RHOH: variants seen among roughly 807,000 people sequenced by gnomAD.
RHOH encodes the protein rho-related GTP-binding protein RhoH.
In RHOH, 6 loss-of-function variants were observed where a neutral mutation model predicts 13.8. The ratio of observed to expected loss-of-function variants is 0.44; its 90% CI spans 0.24 to 0.86. The LOEUF is 0.86. Among genes scored for constraint, RHOH ranks in the 40% least tolerant of loss-of-function variants. The pLI is 0.24. For missense variants in RHOH, 147 were observed against 244.5 expected (o/e 0.60, Z 2.66); for synonymous variants, 117 against 103.0 (o/e 1.14, Z -0.82).
chr4:40,226,822 A>T (rs1447378963), intron 1 of RHOH, among the ~76,000 whole-genome samples: 5 of 152,324 alleles, frequency 3.3e-5, no homozygotes, highest in Non-Finnish European at 7.3e-5. Context: ...AAGGAAGTGG[A>T]TGAGAAAGGG....
intron 1 of RHOH, 81 bp downstream of exon 1, chr4:40,197,381 C>T (rs1315715087): frequency 6.6e-6 from 1 of 150,620 alleles, no homozygotes; most frequent in Admixed American, 6.6e-5. Flanking sequence ...TACTCTAGGC[C>T]AAACATCGTA....
chr4:40,206,220 C>T (rs1347260012), intron 1 of RHOH, among the ~76,000 whole-genome samples: 1 of 152,192 alleles, frequency 6.6e-6, no homozygotes, highest in African/African-American at 2.4e-5. Flanking sequence ...GGCAGGACCC[C>T]TACTTTTAAT....
intron 1 of RHOH, among the ~76,000 whole-genome samples, chr4:40,216,203 T>C (rs1725865002): frequency 6.7e-6 from 1 of 150,276 alleles, no homozygotes; most frequent in Non-Finnish European, 1.5e-5. Flanking sequence ...GCACAGGGGC[T>C]CATGCTTGTA....
intron 1 of RHOH, among the ~76,000 whole-genome samples, chr4:40,208,038 C>T (rs1027346074): frequency 1.3e-5 from 2 of 151,924 alleles, no homozygotes; most frequent in African/African-American, 4.8e-5. Context: ...AAATCACCAG[C>T]GTTTTCAGCC....
chr4:40,238,216 C>G (rs569311877), intron 1 of RHOH, among the ~76,000 whole-genome samples: 3 of 151,134 alleles, frequency 2.0e-5, no homozygotes, highest in Non-Finnish European at 4.4e-5. Flanking sequence ...GCGGGGGCAT[C>G]TGATCTGGCA....
chr4:40,197,622 A>C (rs543835375), intron 1 of RHOH, among the ~76,000 whole-genome samples: 1 of 152,304 alleles, frequency 6.6e-6, no homozygotes, highest in East Asian at 1.9e-4. Flanking sequence ...ATACTACCCA[A>C]GGTTTGATGA....
intron 1 of RHOH, among the ~76,000 whole-genome samples, chr4:40,202,749 G>A (rs886410494): frequency 3.9e-5 from 6 of 152,170 alleles, no homozygotes; most frequent in African/African-American, 1.2e-4. Context: ...TGCAAGGACT[G>A]AGAAATAGCC....
At chr4:40,214,901 G>A (rs191356255) in intron 1 of RHOH, among the ~76,000 whole-genome samples, 12 of 152,244 alleles carry the variant, frequency 7.9e-5, no homozygotes, top group African/African-American at 2.6e-4. Flanking sequence ...GGCTCTCCCC[G>A]TGGGGAAAGA....
At chr4:40,219,360 C>T (rs1182059878) in intron 1 of RHOH, among the ~76,000 whole-genome samples, 3 of 147,260 alleles carry the variant, frequency 2.0e-5, no homozygotes, top group Admixed American at 1.4e-4. Context: ...TGCAGTGAGC[C>T]GAGATCGCAC....
intron 1 of RHOH, among the ~76,000 whole-genome samples, chr4:40,210,811 A>G (rs1725181113): frequency 6.6e-6 from 1 of 152,240 alleles, no homozygotes; most frequent in African/African-American, 2.4e-5. Flanking sequence ...ACAGTTATAC[A>G]TACAGCATAT....
At chr4:40,220,995 A>T (rs1664034793) in intron 1 of RHOH, among the ~76,000 whole-genome samples, 1 of 152,246 alleles carries the variant, frequency 6.6e-6, no homozygotes, top group Non-Finnish European at 1.5e-5. Flanking sequence ...TCTATATTTC[A>T]AAAGAAGATT....
intron 1 of RHOH, among the ~76,000 whole-genome samples, chr4:40,230,466 G>A (rs1727785078): frequency 6.6e-6 from 1 of 151,840 alleles, no homozygotes; most frequent in African/African-American, 2.4e-5. Context: ...GAATAGCTGG[G>A]ACTACAGGCA....
chr4:40,223,765 TTG>T (rs1293738429), intron 1 of RHOH, among the ~76,000 whole-genome samples: 10 of 124,118 alleles, frequency 8.1e-5, no homozygotes, highest in Non-Finnish European at 1.4e-4. Flanking sequence ...TAAACATAAC[TTG>T]TTTTTTTTTT....
At chr4:40,217,879 T>C (rs1162642085) in intron 1 of RHOH, among the ~76,000 whole-genome samples, 1 of 152,114 alleles carries the variant, frequency 6.6e-6, no homozygotes, top group Non-Finnish European at 1.5e-5. Context: ...TCGAGTGGCG[T>C]CAAAGATGGA....
chr4:40,227,028 G>A (rs1727327643), intron 1 of RHOH, among the ~76,000 whole-genome samples: 3 of 152,054 alleles, frequency 2.0e-5, no homozygotes, highest in African/African-American at 7.2e-5. Context: ...GTGTGGTGGT[G>A]CATGCCTGTA....
At chr4:40,233,110 A>G (rs1041550518) in intron 1 of RHOH, among the ~76,000 whole-genome samples, 3 of 152,174 alleles carry the variant, frequency 2.0e-5, no homozygotes, top group Admixed American at 1.3e-4. Flanking sequence ...AATTATAATA[A>G]TGGTAAATAC....
Position 40,243,036 on chromosome 4 carries a change from A to C in RHOH, c.-209-142A>C, listed in dbSNP as rs1729443717. ...TCTAAGCTCTCCCTGTGAGGGGAAG[A>C]GTGGATTGCACAAGCGGGGTTGGAT... On this transcript the variant is annotated intron_variant, in intron 2 of 2. Transcript: ENST00000381799. The surrounding 1 kb of genome is among the most constrained non-coding windows in gnomAD (Gnocchi z 6.2). 1 of 226,914 alleles carries C rather than the reference A, an allele frequency of 4.4e-6. No homozygotes were observed. Among genetic ancestry groups the C allele is most frequent in the South Asian group, 1.1e-4 (1 of 8,822 alleles). The allele number at this position is 226,914 out of a possible 1,614,324, so 14.1% of individuals were successfully genotyped here.
upstream of RHOH, chr4:40,193,912 A>G (rs1246971916): frequency 2.0e-5 from 3 of 152,248 alleles, no homozygotes; most frequent in African/African-American, 4.8e-5. Context: ...AGAAAATGGT[A>G]CAAGGCCTGA....
At chr4:40,228,295 A>G (rs1727484793) in intron 1 of RHOH, among the ~76,000 whole-genome samples, 1 of 152,214 alleles carries the variant, frequency 6.6e-6, no homozygotes, top group African/African-American at 2.4e-5. Flanking sequence ...ATGTATGCTA[A>G]TATTTTACAG....
Sources: allele counts gnomAD v4.1 joint callset (sites outside exome capture counted in the v4.1 genomes callset), GRCh38; gene constraint gnomAD v4.1.1; non-coding constraint Gnocchi (gnomAD v3.1); transcripts MANE v1.5; gene names NCBI Gene and HGNC (gene_info 2026-07-23, HGNC 2026-07-21).